TUSC3: variants seen among roughly 807,000 people sequenced by gnomAD.
The protein encoded by TUSC3 is tumor suppressor candidate 3.
A neutral mutation model predicts 44.8 loss-of-function variants in TUSC3; 45 were observed. The ratio of observed to expected loss-of-function variants is 1.00; its 90% confidence interval spans 0.79 to 1.29. The LOEUF is 1.29. Among genes scored for constraint, TUSC3 ranks in the 50% most tolerant of loss-of-function variants. The pLI is 0.00. For missense variants in TUSC3, 519 were observed against 437.9 expected, an observed-to-expected ratio of 1.19 and a Z score of -1.65; for synonymous variants, 212 against 152.9, an observed-to-expected ratio of 1.39 and a Z score of -2.85.
chr8:15,744,809 A>G (rs1811336642), intron 8 of TUSC3, among the ~76,000 whole-genome samples: 1 of 152,044 alleles, frequency 6.6e-6, no homozygotes, highest in African/African-American at 2.4e-5. Flanking sequence ...TATTTTTTTA[A>G]TAATTTATTT....
At chr8:15,559,610 G>A (rs568489155) in intron 1 of TUSC3, among the ~76,000 whole-genome samples, 2 of 139,866 alleles carry the variant, frequency 1.4e-5, no homozygotes, top group Admixed American at 7.2e-5. Flanking sequence ...GGGTGCTAAA[G>A]TCTCCCATTA....
At chr8:15,579,096 A>G (rs1484732545) in intron 1 of TUSC3, among the ~76,000 whole-genome samples, 1 of 151,762 alleles carries the variant, frequency 6.6e-6, no homozygotes, top group Non-Finnish European at 1.5e-5. Context: ...TTTCTAGTTT[A>G]TTTGCGTAGA....
At chr8:15,471,479 T>G (rs1037069085) in intron 1 of TUSC3, among the ~76,000 whole-genome samples, 6 of 152,164 alleles carry the variant, frequency 3.9e-5, no homozygotes, top group Middle Eastern at 3.2e-3. Context: ...TTAATACTAA[T>G]AAAACTTTTT....
chr8:15,687,716 C>T (rs1237101005), intron 6 of TUSC3, among the ~76,000 whole-genome samples: 3 of 152,126 alleles, frequency 2.0e-5, no homozygotes, highest in African/African-American at 7.2e-5. Context: ...GTGATTTGTA[C>T]CCTTACTTCA....
intron 1 of TUSC3, among the ~76,000 whole-genome samples, chr8:15,437,306 T>C (rs2129117814): frequency 6.6e-6 from 1 of 152,334 alleles, no homozygotes; most frequent in Admixed American, 6.5e-5. Flanking sequence ...GGTTATAAAC[T>C]TGAGGCTGTT....
At chr8:15,483,238 G>A in intron 1 of TUSC3, 1 of 157,202 alleles carries the variant, frequency 6.4e-6, no homozygotes, top group Non-Finnish European at 1.4e-5. Flanking sequence ...CTAATTTTCA[G>A]GCAAATATTC....
At chr8:15,722,261 T>A (rs189525) in intron 6 of TUSC3, among the ~76,000 whole-genome samples, 5 of 150,088 alleles carry the variant, frequency 3.3e-5, no homozygotes, top group African/African-American at 4.9e-5. Flanking sequence ...TTTTTTTTTT[T>A]TTCCTTTACC....
intron 1 of TUSC3, among the ~76,000 whole-genome samples, chr8:15,455,435 ATATGTATACACACC>A (rs6150478): frequency 0.51 from 77,050 of 151,510 alleles, 23,117 homozygotes; most frequent in East Asian, 0.67. Flanking sequence ...GTATACACGT[ATATGTATACACACC>A]TATGTATACA....
intron 2 of TUSC3, among the ~76,000 whole-genome samples, chr8:15,641,013 T>C (rs550966499): frequency 6.6e-6 from 1 of 152,166 alleles, no homozygotes; most frequent in South Asian, 2.1e-4. Context: ...CTTTGCCATG[T>C]ATACTGAGTG....
intron 10 of TUSC3, among the ~76,000 whole-genome samples, chr8:15,759,238 GA>G (rs1315481960): frequency 2.0e-5 from 3 of 152,022 alleles, no homozygotes; most frequent in Non-Finnish European, 2.9e-5. Flanking sequence ...AATGAAATCT[GA>G]GCAGCTGCCC....
intron 1 of TUSC3, among the ~76,000 whole-genome samples, chr8:15,458,815 G>T (rs1029882485): frequency 3.3e-5 from 5 of 152,106 alleles, no homozygotes; most frequent in Admixed American, 2.0e-4. Context: ...AGGACAAAAG[G>T]CCAGTTCTTT....
chr8:15,499,098 A>G (rs989896508), intron 2 of TUSC3, among the ~76,000 whole-genome samples: 3 of 151,610 alleles, frequency 2.0e-5, no homozygotes, highest in Non-Finnish European at 4.4e-5. Flanking sequence ...TCCATCACCC[A>G]CTACTTTTCA....
At chr8:15,611,300 C>T (rs563300400) in intron 1 of TUSC3, among the ~76,000 whole-genome samples, 1 of 152,258 alleles carries the variant, frequency 6.6e-6, no homozygotes, top group South Asian at 2.1e-4. Context: ...GATTCTCCTG[C>T]CTCAGCCTCC....
At chr8:15,442,964 A>G (rs1800039909) in intron 1 of TUSC3, among the ~76,000 whole-genome samples, 1 of 152,124 alleles carries the variant, frequency 6.6e-6, no homozygotes, top group African/African-American at 2.4e-5. Flanking sequence ...TAAGCTAGTT[A>G]TGCAAGAATC....
At chr8:15,586,228 T>A (rs1384726873) in intron 1 of TUSC3, among the ~76,000 whole-genome samples, 1 of 151,816 alleles carries the variant, frequency 6.6e-6, no homozygotes, top group African/African-American at 2.4e-5. Context: ...GGACTGAATG[T>A]TGTGAGTTAA....
rs1275919544 is a variant in TUSC3 at position 15,540,283 on chromosome 8, C to G, written c.-148C>G. The G allele has an allele frequency of 8.6e-7, 1 of 1,164,770 alleles. No individual in the cohort carries two copies. Among genetic ancestry groups the G allele is most frequent in the Admixed American group, 4.1e-5 (1 of 24,434 alleles). The allele number at this position is 1,164,770 out of a possible 1,614,324, so 72.2% of individuals were successfully genotyped here. A position where few individuals can be genotyped will look rare whatever the true frequency, so the allele number is the denominator to read the frequency against. On this transcript the variant is annotated 5_prime_UTR_variant, in exon 1 of 11. Coordinates refer to ENST00000503731, the MANE Select transcript of TUSC3 (RefSeq NM_006765.4). ...CTGTCAGTCTCCTCCTCTGCGTCCT[C>G]GGCCGCGGCCCGGGTCCCTCGCAAA...
chr8:15,531,576 T>A (rs1228225006), intron 2 of TUSC3, among the ~76,000 whole-genome samples: 1 of 152,190 alleles, frequency 6.6e-6, no homozygotes, highest in Non-Finnish European at 1.5e-5. Context: ...AAACGTTCAC[T>A]CCTGCCTTAA....
intron 2 of TUSC3, among the ~76,000 whole-genome samples, chr8:15,510,817 A>G (rs1327870454): frequency 1.3e-5 from 2 of 152,184 alleles, no homozygotes; most frequent in African/African-American, 2.4e-5. Context: ...CTATGGACAC[A>G]AACATTCGAA....
chr8:15,504,462 C>G (rs886536290), intron 2 of TUSC3, among the ~76,000 whole-genome samples: 1 of 151,270 alleles, frequency 6.6e-6, no homozygotes, highest in East Asian at 2.0e-4. Flanking sequence ...TCATTAACAT[C>G]AGTTCATTAA....
Sources: gnomAD v4.1 joint callset for allele counts (sites outside exome capture counted in the v4.1 genomes callset) on GRCh38, gnomAD v4.1.1 for gene constraint, MANE v1.5 for transcripts, NCBI Gene and HGNC (gene_info 2026-07-23, HGNC 2026-07-21) for gene names.